EVX2: variants seen among roughly 807,000 people sequenced by gnomAD.
EVX2 encodes the protein homeobox even-skipped homolog protein 2.
Under a neutral mutation model 19.2 loss-of-function variants are expected in EVX2, and 10 were observed. That is an observed-to-expected ratio of 0.52 (90% CI 0.32 to 0.89). EVX2 has a LOEUF of 0.89. Ranked by LOEUF, EVX2 falls within the 40% of genes least tolerant of loss-of-function variation. The probability of loss-of-function intolerance (pLI) is 0.03; values close to 1 mark genes in which losing one functional copy is unlikely to be tolerated. For missense variants in EVX2, 710 were observed against 694.9 expected (o/e 1.02, Z -0.24); for synonymous variants, 354 against 328.4 (o/e 1.08, Z -0.84).
Position 176,083,597 on chromosome 2 carries a change from G to T in EVX2, c.180C>A (p.Ser60Arg), listed in dbSNP as rs764979508. The T allele has an allele frequency of 1.9e-6, 3 of 1,614,202 alleles. No individual in the cohort carries two copies. The highest frequency in any genetic ancestry group is 1.7e-6 in the Non-Finnish European group (2 of 1,180,048). Reference protein sequence around the residue: ...SPRLPSAPLHSALGELPAKGK... With the variant: ...SPRLPSAPLHRALGELPAKGK... Reference sequence around the variant, plus strand: ...CCTTGGCGGGGAGTTCTCCCAGAGCGCTGTGCAGGGGGGCAGACGGCAGGC... The same window carrying T: ...CCTTGGCGGGGAGTTCTCCCAGAGCTCTGTGCAGGGGGGCAGACGGCAGGC... The change falls in exon 1 of 3, where the codon AGC becomes AGA. Residue 60 changes from serine to arginine, a missense_variant. By Grantham distance (110) the Ser-to-Arg change is moderately radical (BLOSUM62 -1). Coordinates refer to ENST00000308618, the MANE Select transcript of EVX2 (RefSeq NM_001080458.2). The surrounding 1 kb of genome is among the most constrained non-coding windows in gnomAD (Gnocchi z 4.4).
Position 176,083,727 on chromosome 2 carries a change from T to C in EVX2, c.50A>G (p.His17Arg), listed in dbSNP as rs773965714. ...KEMILMERGL[H>R]SPTAGKRFSN... The stretch of plus-strand genomic sequence containing the variant: ...GAATCTCTTGCCCGCCGTAGGGCTG[T>C]GCAGCCCTCTCTCCATCAGAATCAT... Residue 17 changes from histidine to arginine, a missense_variant, in exon 1 of 3, where the codon CAC (histidine) becomes CGC (arginine). Physicochemically the swap from His to Arg is conservative, Grantham distance 29 (BLOSUM62 0). Transcript: ENST00000308618. This position sits in a 1 kb window ranked among gnomAD's most constrained non-coding sequence, Gnocchi z 4.4. 1.2e-6 allele frequency: 2 copies of C among 1,613,636 alleles called. No homozygotes were observed. The highest frequency in any genetic ancestry group is 2.2e-5 in the South Asian group (2 of 91,086).
In EVX2 at chr2:176,083,426, G is replaced by C. The variant is rs755516509; in HGVS notation, c.351C>G (p.Asp117Glu). 1.2e-6 allele frequency: 2 copies of C among 1,613,754 alleles called. No homozygotes were observed. The highest frequency in any genetic ancestry group is 1.7e-5 in the Admixed American group (1 of 59,998). Residue 117 changes from aspartate to glutamate, a missense_variant, in exon 1 of 3, where the codon GAC (aspartate) becomes GAG (glutamate). By Grantham distance (45) the Asp-to-Glu change is conservative. Transcript: ENST00000308618. The surrounding 1 kb of genome is among the most constrained non-coding windows in gnomAD (Gnocchi z 4.4). Reference protein sequence around the residue: ...EAAAEADMSSDVEVGCSALRS... With the variant: ...EAAAEADMSSEVEVGCSALRS... ...GAAGCGCGGAGCAGCCCACCTCCACGTCGCTGCTCATGTCGGCCTCAGCGG... is the reference window on the plus strand; with the variant it reads ...GAAGCGCGGAGCAGCCCACCTCCACCTCGCTGCTCATGTCGGCCTCAGCGG...
chr2:176,080,438 G>A lies in EVX2; in HGVS notation c.1100C>T (p.Ala367Val), dbSNP rs1287309577. The A allele has an allele frequency of 4.4e-5, 50 of 1,138,250 alleles. No homozygotes were observed. The highest frequency in any genetic ancestry group is 5.0e-5 in the African/African-American group (3 of 60,160). 70.5% of individuals were successfully genotyped at this position (1,138,250 alleles called of 1,614,324 possible). Reference sequence around the variant, plus strand: ...CGCCGCCGCCGAGGAGGCCGCAGCCGCTGCGGCTGCCGCGGCTGCCGCGGC... The same window carrying A: ...CGCCGCCGCCGAGGAGGCCGCAGCCACTGCGGCTGCCGCGGCTGCCGCGGC... ...ASAAAAAAAA[A>V]AAASSAAAAG... is the part of the protein sequence containing the mutation. The change falls in exon 3 of 3, where the codon GCG (alanine) becomes GTG (valine). Residue 367 changes from alanine (A) to valine (V), a missense_variant. Physicochemically the swap from Ala to Val is moderately conservative, Grantham distance 64 (BLOSUM62 0). Coordinates refer to ENST00000308618, the MANE Select transcript of EVX2 (RefSeq NM_001080458.2). This position sits in a 1 kb window ranked among gnomAD's most constrained non-coding sequence, Gnocchi z 7.0.
rs1338962411 is a variant in EVX2 at position 176,080,846 on chromosome 2, G to A, written c.700-8C>T. 2.5e-6 allele frequency: 4 copies of A among 1,606,834 alleles called. No homozygotes were observed. Among genetic ancestry groups the A allele is most frequent in the Non-Finnish European group, 3.4e-6 (4 of 1,177,326 alleles). On this transcript the variant is annotated splice_polypyrimidine_tract_variant and splice_region_variant and intron_variant, in intron 2 of 2. Coordinates refer to ENST00000308618, the MANE Select transcript of EVX2 (RefSeq NM_001080458.2). The surrounding 1 kb of genome is among the most constrained non-coding windows in gnomAD (Gnocchi z 7.0). The stretch of plus-strand genomic sequence containing the variant: ...CCGGTTCTGGAACCACACCTGCGGG[G>A]AGAGACGCGCCGCAGCCTGGGTTAG...
chr2:176,080,733 C>T lies in EVX2; in HGVS notation c.805G>A (p.Ala269Thr). ...SFYTYMMTHA[A>T]ATGSLPYPFH... is the part of the protein sequence containing the mutation. ...GGGTAGGGCAGGCTTCCGGTGGCGG[C>T]CGCGTGCGTCATCATGTAGGTGTAG... The change falls in exon 3 of 3, where the codon GCC becomes ACC. Residue 269 changes from alanine (A) to threonine (T), a missense_variant. Transcript: ENST00000308618. The surrounding 1 kb of genome is among the most constrained non-coding windows in gnomAD (Gnocchi z 7.0). 2 of 1,608,428 alleles carry T rather than the reference C, an allele frequency of 1.2e-6. No homozygotes were observed. Among genetic ancestry groups the T allele is most frequent in the Non-Finnish European group, 8.5e-7 (1 of 1,179,692 alleles).
Position 176,083,539 on chromosome 2 carries a change from G to C in EVX2, c.238C>G (p.Gln80Glu). ...KFEIDTLFNL[Q>E]HTGSESTVSS... The stretch of plus-strand genomic sequence containing the variant: ...ACGGTGCTTTCGCTGCCCGTGTGCT[G>C]CAGGTTGAACAAAGTGTCTATTTCG... The change falls in exon 1 of 3, where the codon CAG (glutamine) becomes GAG (glutamate). Residue 80 changes from glutamine to glutamate, a missense_variant. Coordinates refer to ENST00000308618, the MANE Select transcript of EVX2 (RefSeq NM_001080458.2). The surrounding 1 kb of genome is among the most constrained non-coding windows in gnomAD (Gnocchi z 4.4). 6.2e-7 allele frequency: 1 copy of C among 1,614,190 alleles called. No homozygotes were observed. Among genetic ancestry groups the C allele is most frequent in the South Asian group, 1.1e-5 (1 of 91,084 alleles).
chr2:176,080,690 G>A lies in EVX2; in HGVS notation c.848C>T (p.Pro283Leu), dbSNP rs144229189. The change falls in exon 3 of 3, where the codon CCG becomes CTG. Residue 283 changes from proline (P) to leucine (L), a missense_variant. Pro to Leu is a moderately conservative substitution (Grantham distance 98). Coordinates refer to ENST00000308618, the MANE Select transcript of EVX2 (RefSeq NM_001080458.2). This position sits in a 1 kb window ranked among gnomAD's most constrained non-coding sequence, Gnocchi z 7.0. ...GCCCACGTGCGGGTAGTAGTGCAGCGGCACGTGCGAGTGGAAGGGGTAGGG... is the reference window on the plus strand; with the variant it reads ...GCCCACGTGCGGGTAGTAGTGCAGCAGCACGTGCGAGTGGAAGGGGTAGGG... Reference protein sequence around the residue: ...SLPYPFHSHVPLHYYPHVGVT... With the variant: ...SLPYPFHSHVLLHYYPHVGVT... 1 of 1,601,970 alleles carries A rather than the reference G, an allele frequency of 6.2e-7. No individual in the cohort carries two copies. Among genetic ancestry groups the A allele is most frequent in the Non-Finnish European group, 8.5e-7 (1 of 1,178,588 alleles).
chr2:176,083,471 C>G lies in EVX2; in HGVS notation c.306G>C (p.Pro102=). The part of the protein sequence containing the change: ...ISSAAESRKK[P]GHYSEAAAEA... The stretch of plus-strand genomic sequence containing the variant: ...CAGCGGCCGCCTCTGAATAATGGCC[C>G]GGCTTCTTGCGGCTCTCGGCGGCGG... Residue 102 remains proline (P), a synonymous_variant, in exon 1 of 3, where the codon CCG becomes CCC. Coordinates refer to ENST00000308618, the MANE Select transcript of EVX2 (RefSeq NM_001080458.2). This position sits in a 1 kb window ranked among gnomAD's most constrained non-coding sequence, Gnocchi z 4.4. 5 of 1,614,168 alleles carry G rather than the reference C, an allele frequency of 3.1e-6. No individual in the cohort carries two copies. Among genetic ancestry groups the G allele is most frequent in the Non-Finnish European group, 4.2e-6 (5 of 1,180,042 alleles).
In EVX2 at chr2:176,082,213, C is replaced by A; in HGVS notation, c.664G>T (p.Ala222Ser). 2 of 1,600,536 alleles carry A rather than the reference C, an allele frequency of 1.2e-6. No individual in the cohort carries two copies. Among genetic ancestry groups the A allele is most frequent in the Non-Finnish European group, 1.7e-6 (2 of 1,176,218 alleles). ...YVSRPRRCEL[A>S]AALNLPETTI... ...GTTTCGGGCAGGTTGAGTGCCGCGG[C>A]CAGCTCGCACCGGCGGGGCCGCGAC... is the stretch of plus-strand genomic sequence containing the variant. The change falls in exon 2 of 3, where the codon GCC becomes TCC. Residue 222 changes from alanine (A) to serine (S), a missense_variant. By Grantham distance (99) the Ala-to-Ser change is moderately conservative. Coordinates refer to ENST00000308618, the MANE Select transcript of EVX2 (RefSeq NM_001080458.2). The surrounding 1 kb of genome is among the most constrained non-coding windows in gnomAD (Gnocchi z 5.2).
Position 176,082,444 on chromosome 2 carries a change from C to T in EVX2, c.433G>A (p.Ala145Thr), listed in dbSNP as rs780489157. 4 of 1,548,640 alleles carry T rather than the reference C, an allele frequency of 2.6e-6. No individual in the cohort carries two copies. The highest frequency in any genetic ancestry group is 3.8e-5 in the Admixed American group (2 of 52,102). ...QLKENNGKGY[A>T]ESGSAAGTTT... ...GTGCCGGCAGCCGAGCCGCTCTCTG[C>T]GTACCCTGGCAAACAAACGACCAAC... Residue 145 changes from alanine (A) to threonine (T), a missense_variant, in exon 2 of 3, where the codon GCA becomes ACA. Transcript: ENST00000308618. This position sits in a 1 kb window ranked among gnomAD's most constrained non-coding sequence, Gnocchi z 5.2.
In EVX2 at chr2:176,083,799, C is replaced by A; in HGVS notation, c.-23G>T. 6.3e-7 allele frequency: 1 copy of A among 1,592,510 alleles called. No individual in the cohort carries two copies. The highest frequency in any genetic ancestry group is 1.7e-4 in the Middle Eastern group (1 of 6,012). On this transcript the variant is annotated 5_prime_UTR_variant, in exon 1 of 3. Coordinates refer to ENST00000308618, the MANE Select transcript of EVX2 (RefSeq NM_001080458.2). The surrounding 1 kb of genome is among the most constrained non-coding windows in gnomAD (Gnocchi z 4.4). ...CATCTCAGCTTTCTTAAAAATGTCA[C>A]AGTGGCCCTGCTGTCCCGTCCTAAT...
chr2:176,082,338 C>G lies in EVX2; in HGVS notation c.539G>C (p.Gly180Ala), dbSNP rs766268368. ...GGSGGSAALGGSGSGADQVRR... is the reference protein window; with the variant it reads ...GGSGGSAALGASGSGADQVRR... ...CACTTGATCCGCGCCAGAGCCGGAG[C>G]CACCCAGCGCCGCGCTCCCGCCGCT... Residue 180 changes from glycine to alanine, a missense_variant, in exon 2 of 3, where the codon GGC (glycine) becomes GCC (alanine). Gly to Ala is a moderately conservative substitution (Grantham distance 60). Transcript: ENST00000308618. This position sits in a 1 kb window ranked among gnomAD's most constrained non-coding sequence, Gnocchi z 5.2. 6.3e-7 allele frequency: 1 copy of G among 1,596,572 alleles called. No homozygotes were observed. The highest frequency in any genetic ancestry group is 8.5e-7 in the Non-Finnish European group (1 of 1,176,132).
chr2:176,078,261 G>A lies in EVX2; in HGVS notation c.*1846C>T, dbSNP rs200637844. On this transcript the variant is annotated 3_prime_UTR_variant, in exon 3 of 3. Transcript: ENST00000308618. ...GAATATGTGTGTATCTCTTACATAT[G>A]TATTTAAGAGCACGGATATATATAT... is the stretch of plus-strand genomic sequence containing the variant. 3 of 114,784 alleles carry A rather than the reference G, an allele frequency of 2.6e-5. No individual in the cohort carries two copies. Among genetic ancestry groups the A allele is most frequent in the Non-Finnish European group, 4.8e-5 (3 of 62,110 alleles). 7.1% of individuals were successfully genotyped at this position (114,784 alleles called of 1,614,324 possible). A position where few individuals can be genotyped will look rare whatever the true frequency, so the allele number is the denominator to read the frequency against.
rs912648821 is a variant in EVX2 at position 176,077,739 on chromosome 2, C to T, written c.*2368G>A. The T allele has an allele frequency of 1.3e-5, 2 of 152,154 alleles. No individual in the cohort carries two copies. Among genetic ancestry groups the T allele is most frequent in the Middle Eastern group, 3.4e-3 (1 of 294 alleles). 9.4% of individuals were successfully genotyped at this position (152,154 alleles called of 1,614,324 possible). ...TTTGGGGGAAATGTAAACATTACTG[C>T]CTAAAGTACCTTATATACATCTGTT... is the stretch of plus-strand genomic sequence containing the variant. On this transcript the variant is annotated 3_prime_UTR_variant, in exon 3 of 3. Coordinates refer to ENST00000308618, the MANE Select transcript of EVX2 (RefSeq NM_001080458.2).
In EVX2 at chr2:176,078,271, G is replaced by C. The variant is rs1449972690; in HGVS notation, c.*1836C>G. 1 of 143,034 alleles carries C rather than the reference G, an allele frequency of 7.0e-6. No homozygotes were observed. Among genetic ancestry groups the C allele is most frequent in the Non-Finnish European group, 1.5e-5 (1 of 66,394 alleles). 8.9% of individuals were successfully genotyped at this position (143,034 alleles called of 1,614,324 possible). A position where few individuals can be genotyped will look rare whatever the true frequency, so the allele number is the denominator to read the frequency against. Reference sequence around the variant, plus strand: ...GTATCTCTTACATATGTATTTAAGAGCACGGATATATATATGCATATACAT... The same window carrying C: ...GTATCTCTTACATATGTATTTAAGACCACGGATATATATATGCATATACAT... On this transcript the variant is annotated 3_prime_UTR_variant, in exon 3 of 3. Coordinates refer to ENST00000308618, the MANE Select transcript of EVX2 (RefSeq NM_001080458.2).
At position 176,080,972 on chromosome 2, in the gene EVX2, ACCCTGTGGTCT is replaced by A; in HGVS notation, c.700-145_700-135del. On this transcript the variant is annotated intron_variant, in intron 2 of 2. Transcript: ENST00000308618. The surrounding 1 kb of genome is among the most constrained non-coding windows in gnomAD (Gnocchi z 7.0). ...TCTCCGACCAAGCCCAACCCCGAGT[ACCCTGTGGTCT>A]CCCAGCTGGGAAAGTGTGGACGGCA... 1 of 1,170,860 alleles carries A rather than the reference ACCCTGTGGTCT, an allele frequency of 8.5e-7. No individual in the cohort carries two copies. Among genetic ancestry groups the A allele is most frequent in the Non-Finnish European group, 1.2e-6 (1 of 862,190 alleles). 72.5% of individuals were successfully genotyped at this position (1,170,860 alleles called of 1,614,324 possible).
At position 176,083,390 on chromosome 2, in the gene EVX2, C is replaced by T. The variant is rs1689175683; in HGVS notation, c.387G>A (p.Gly129=). 2 of 1,611,044 alleles carry T rather than the reference C, an allele frequency of 1.2e-6. No homozygotes were observed. Among genetic ancestry groups the T allele is most frequent in the Admixed American group, 3.4e-5 (2 of 59,598 alleles). ...EVGCSALRSP[G]GLGAAQLKEN... ...CCTTAAGCTGAGCGGCGCCGAGGCC[C>T]CCGGGGGAGCGAAGCGCGGAGCAGC... The change falls in exon 1 of 3, where the codon GGG becomes GGA. Residue 129 remains glycine (G), a synonymous_variant. Transcript: ENST00000308618. The surrounding 1 kb of genome is among the most constrained non-coding windows in gnomAD (Gnocchi z 4.4).
In EVX2 at chr2:176,080,639, G is replaced by T; in HGVS notation, c.899C>A (p.Ala300Glu). The change falls in exon 3 of 3, where the codon GCA becomes GAA. Residue 300 changes from alanine (A) to glutamate (E), a missense_variant. Coordinates refer to ENST00000308618, the MANE Select transcript of EVX2 (RefSeq NM_001080458.2). This position sits in a 1 kb window ranked among gnomAD's most constrained non-coding sequence, Gnocchi z 7.0. ...VGVTAAAAAA[A>E]ASGAAAAASS... ...AGCCGCGGCCGCCGCGCCTGAGGCTGCAGCCGCGGCCGCCGCCGCCGTGAC... is the reference window on the plus strand; with the variant it reads ...AGCCGCGGCCGCCGCGCCTGAGGCTTCAGCCGCGGCCGCCGCCGCCGTGAC... 6.4e-7 allele frequency: 1 copy of T among 1,557,630 alleles called. No individual in the cohort carries two copies. The highest frequency in any genetic ancestry group is 8.6e-7 in the Non-Finnish European group (1 of 1,160,546).
chr2:176,083,429 G>T lies in EVX2; in HGVS notation c.348C>A (p.Ser116Arg). Residue 116 changes from serine (S) to arginine (R), a missense_variant, in exon 1 of 3, where the codon AGC becomes AGA. By Grantham distance (110) the Ser-to-Arg change is moderately radical (BLOSUM62 -1). Coordinates refer to ENST00000308618, the MANE Select transcript of EVX2 (RefSeq NM_001080458.2). The surrounding 1 kb of genome is among the most constrained non-coding windows in gnomAD (Gnocchi z 4.4). Reference protein sequence around the residue: ...SEAAAEADMSSDVEVGCSALR... With the variant: ...SEAAAEADMSRDVEVGCSALR... ...GCGCGGAGCAGCCCACCTCCACGTC[G>T]CTGCTCATGTCGGCCTCAGCGGCCG... 1.2e-6 allele frequency: 2 copies of T among 1,613,924 alleles called. No homozygotes were observed. The highest frequency in any genetic ancestry group is 1.7e-4 in the Middle Eastern group (1 of 6,060).
Sources: allele counts gnomAD v4.1 joint callset, GRCh38; gene constraint gnomAD v4.1.1; non-coding constraint Gnocchi (gnomAD v3.1); transcripts MANE v1.5; gene names NCBI Gene and HGNC (gene_info 2026-07-23, HGNC 2026-07-21).